Variants in DTNB observed in about 807,000 individuals in gnomAD.
DTNB encodes the protein dystrobrevin beta.
DTNB carries 63 observed loss-of-function variants against 90.7 expected under a neutral mutation model. The observed-to-expected ratio is 0.69, with a 90% CI of 0.57 to 0.86. The LOEUF (loss-of-function observed/expected upper bound fraction) is 0.86, where lower values mean the gene tolerates loss of function less well. DTNB is among the 40% of genes least tolerant of loss of function. The pLI, the probability that DTNB is intolerant of heterozygous loss-of-function variation, is 0.00. For synonymous variants in DTNB, 277 were observed against 286.7 expected, an observed-to-expected ratio of 0.97 and a Z score of 0.34; for missense variants, 744 against 807.1, an observed-to-expected ratio of 0.92 and a Z score of 0.95.
chr2:25,442,777 T>C, intron 12 of DTNB, among the ~76,000 whole-genome samples: 1 of 152,232 alleles, frequency 6.6e-6, no homozygotes, highest in East Asian at 1.9e-4. Flanking sequence ...ATCTCAAATC[T>C]AGCTGAGGAA....
intron 9 of DTNB, among the ~76,000 whole-genome samples, chr2:25,509,821 C>A (rs1353044369): frequency 7.0e-6 from 1 of 143,210 alleles, no homozygotes; most frequent in African/African-American, 2.7e-5. Flanking sequence ...GCGATCTCAG[C>A]TCAATTGCAA....
chr2:25,632,827 T>G (rs2076065389), intron 3 of DTNB, among the ~76,000 whole-genome samples: 1 of 152,334 alleles, frequency 6.6e-6, no homozygotes, highest in South Asian at 2.1e-4. Flanking sequence ...ACAAATGTTA[T>G]CTACAAAGGA....
At chr2:25,548,628 A>T (rs1390452088) in intron 8 of DTNB, among the ~76,000 whole-genome samples, 3 of 152,006 alleles carry the variant, frequency 2.0e-5, no homozygotes, top group African/African-American at 7.3e-5. Flanking sequence ...GTCAGCCTGG[A>T]GTGGAGTAAG....
chr2:25,419,764 T>C (rs893852150), intron 15 of DTNB, among the ~76,000 whole-genome samples: 1 of 152,040 alleles, frequency 6.6e-6, no homozygotes, highest in Non-Finnish European at 1.5e-5. Flanking sequence ...CTCCTAGAGC[T>C]AGAAGGAAAG....
intron 9 of DTNB, among the ~76,000 whole-genome samples, chr2:25,494,432 C>T (rs181846232): frequency 3.5e-4 from 45 of 127,596 alleles, no homozygotes; most frequent in African/African-American, 1.4e-3. Flanking sequence ...GACTACTAGC[C>T]TCAAATCTAA....
intron 16 of DTNB, among the ~76,000 whole-genome samples, chr2:25,415,115 C>A (rs1299709402): frequency 6.6e-6 from 1 of 152,142 alleles, no homozygotes; most frequent in East Asian, 1.9e-4. Flanking sequence ...AATCACAGCA[C>A]CCAAGCTTTT....
chr2:25,573,997 A>G (rs1359269825), intron 8 of DTNB, among the ~76,000 whole-genome samples: 1 of 152,144 alleles, frequency 6.6e-6, no homozygotes, highest in East Asian at 1.9e-4. Flanking sequence ...CCACCAAGAT[A>G]GCAGAGAGGG....
chr2:25,669,932 T>A (rs1304832279), intron 1 of DTNB, among the ~76,000 whole-genome samples: 1 of 149,656 alleles, frequency 6.7e-6, no homozygotes, highest in African/African-American at 2.5e-5. Flanking sequence ...TACAACTGAA[T>A]ACACTAAGCA....
intron 9 of DTNB, among the ~76,000 whole-genome samples, chr2:25,512,151 T>C (rs1318116472): frequency 1.3e-5 from 2 of 152,176 alleles, no homozygotes. Context: ...TCCAACCTTA[T>C]CTTGACTTCC....
At chr2:25,520,107 G>A (rs776392828) in intron 9 of DTNB, among the ~76,000 whole-genome samples, 27 of 152,200 alleles carry the variant, frequency 1.8e-4, no homozygotes, top group Non-Finnish European at 1.8e-4. Flanking sequence ...TTGTAGGCTA[G>A]GGGCAGTGGC....
At chr2:25,632,861 T>C (rs1429669337) in intron 3 of DTNB, among the ~76,000 whole-genome samples, 3 of 152,260 alleles carry the variant, frequency 2.0e-5, no homozygotes, top group African/African-American at 7.2e-5. Context: ...TATTACTTAA[T>C]AGTAAAATGA....
intron 12 of DTNB, among the ~76,000 whole-genome samples, chr2:25,441,411 A>C (rs2057357337): frequency 6.6e-6 from 1 of 152,126 alleles, no homozygotes; most frequent in Admixed American, 6.5e-5. Flanking sequence ...TACTTATTGC[A>C]ATTTTTACAT....
At chr2:25,590,375 G>T (rs1340354352) in intron 6 of DTNB, among the ~76,000 whole-genome samples, 2 of 152,186 alleles carry the variant, frequency 1.3e-5, no homozygotes, top group Non-Finnish European at 1.5e-5. Context: ...GCAAGGCAAA[G>T]AGGAACTTTA....
intron 12 of DTNB, 57 bp from the exon 13 acceptor site, chr2:25,434,052 G>T: frequency 6.8e-7 from 1 of 1,466,738 alleles, no homozygotes; most frequent in Non-Finnish European, 9.3e-7. Flanking sequence ...TATACCCAGA[G>T]TTCTAGATTG....
chr2:25,403,789 T>TA (rs1174203356), intron 16 of DTNB, among the ~76,000 whole-genome samples: 1 of 152,224 alleles, frequency 6.6e-6, no homozygotes, highest in Non-Finnish European at 1.5e-5. Flanking sequence ...TGCAGTTGGA[T>TA]AAACCTAGTT....
intron 10 of DTNB, among the ~76,000 whole-genome samples, chr2:25,463,821 C>T (rs902411759): frequency 2.0e-5 from 3 of 152,166 alleles, no homozygotes; most frequent in Admixed American, 6.5e-5. Context: ...GATACTTCAG[C>T]GTAACTCACA....
intron 9 of DTNB, among the ~76,000 whole-genome samples, chr2:25,503,183 G>C (rs1299521412): frequency 1.4e-5 from 2 of 144,588 alleles, no homozygotes; most frequent in Admixed American, 7.3e-5. Flanking sequence ...AAACTCTAAA[G>C]AGTCCACACA....
At chr2:25,508,616 C>T (rs1316424253) in intron 9 of DTNB, among the ~76,000 whole-genome samples, 1 of 148,152 alleles carries the variant, frequency 6.7e-6, no homozygotes, top group Non-Finnish European at 1.5e-5. Flanking sequence ...CTCACCACAA[C>T]CTCCGCCTCC....
chr2:25,579,530 C>T (rs2061236245), intron 7 of DTNB, among the ~76,000 whole-genome samples: 1 of 152,036 alleles, frequency 6.6e-6, no homozygotes, highest in Admixed American at 6.6e-5. Flanking sequence ...AACACAATGG[C>T]CTTCCCCTTA....
Sources: allele counts gnomAD v4.1 joint callset (sites outside exome capture counted in the v4.1 genomes callset), GRCh38; gene constraint gnomAD v4.1.1; transcripts MANE v1.5; gene names NCBI Gene and HGNC (gene_info 2026-07-23, HGNC 2026-07-21).